Variants in DSCAM observed in about 807,000 individuals in gnomAD.
DSCAM encodes the protein DS cell adhesion molecule.
Under a neutral mutation model 217.7 loss-of-function variants are expected in DSCAM, and 47 were observed. The observed-to-expected ratio is 0.22, with a 90% CI of 0.17 to 0.28. The LOEUF (loss-of-function observed/expected upper bound fraction) is 0.28. DSCAM is among the 10% of genes least tolerant of loss of function. The probability of loss-of-function intolerance (pLI) is 1.00; values close to 1 mark genes in which losing one functional copy is unlikely to be tolerated. For missense variants in DSCAM, 2,080 were observed against 2,618.3 expected, an observed-to-expected ratio of 0.79 and a Z score of 4.49; for synonymous variants, 1,056 against 1,015.3, an observed-to-expected ratio of 1.04 and a Z score of -0.76.
At chr21:40,289,229 A>G (rs994106554) in intron 10 of DSCAM, among the ~76,000 whole-genome samples, 12 of 152,208 alleles carry the variant, frequency 7.9e-5, no homozygotes, top group African/African-American at 2.9e-4. Flanking sequence ...ATTGAGCAGA[A>G]GAGCATGCAG....
chr21:40,239,666 T>C (rs371103211), intron 11 of DSCAM, among the ~76,000 whole-genome samples: 23 of 152,296 alleles, frequency 1.5e-4, no homozygotes, highest in South Asian at 1.0e-3. Flanking sequence ...AGTCACTTGA[T>C]TTAGAAGGAC....
intron 1 of DSCAM, among the ~76,000 whole-genome samples, chr21:40,840,250 T>A (rs2092089466): frequency 6.6e-6 from 1 of 152,166 alleles, no homozygotes; most frequent in African/African-American, 2.4e-5. Flanking sequence ...AACCCATAAA[T>A]CCATAGGATG....
intron 1 of DSCAM, among the ~76,000 whole-genome samples, chr21:40,746,781 A>C (rs2091179258): frequency 6.6e-6 from 1 of 151,954 alleles, no homozygotes; most frequent in South Asian, 2.1e-4. Context: ...TTTTCTCAAC[A>C]AGACATGATA....
intron 3 of DSCAM, among the ~76,000 whole-genome samples, chr21:40,494,249 G>C (rs749850526): frequency 6.6e-6 from 1 of 152,136 alleles, no homozygotes; most frequent in Non-Finnish European, 1.5e-5. Context: ...AAAAGACAAA[G>C]AGTGGATAAG....
chr21:40,763,154 T>C (rs1373589527), intron 1 of DSCAM, among the ~76,000 whole-genome samples: 1 of 152,160 alleles, frequency 6.6e-6, no homozygotes, highest in Non-Finnish European at 1.5e-5. Context: ...AGTCAGATTG[T>C]CTCTGTGTGC....
At chr21:40,827,243 C>A (rs114403283) in intron 1 of DSCAM, among the ~76,000 whole-genome samples, 1 of 152,040 alleles carries the variant, frequency 6.6e-6, no homozygotes, top group Admixed American at 6.5e-5. Flanking sequence ...AATCTAGAAA[C>A]GTGGCCCATG....
chr21:40,418,543 A>G (rs1569113533), intron 3 of DSCAM, among the ~76,000 whole-genome samples: 1 of 152,150 alleles, frequency 6.6e-6, no homozygotes, highest in Non-Finnish European at 1.5e-5. Flanking sequence ...CTGGCAATCA[A>G]AGCAAGCCTT....
At chr21:40,354,905 T>A (rs957210767) in intron 4 of DSCAM, among the ~76,000 whole-genome samples, 1 of 151,692 alleles carries the variant, frequency 6.6e-6, no homozygotes, top group Non-Finnish European at 1.5e-5. Flanking sequence ...CTGTTTAACT[T>A]TAGTAAAATT....
chr21:40,359,507 T>C (rs1315263314), intron 4 of DSCAM, among the ~76,000 whole-genome samples: 4 of 152,184 alleles, frequency 2.6e-5, no homozygotes, highest in Non-Finnish European at 5.9e-5. Flanking sequence ...ACATGTTCAC[T>C]CAAAGACTTA....
In DSCAM at chr21:40,620,390, A is replaced by G. The variant is rs996370299; in HGVS notation, c.508+72420T>C. Among the ~76,000 whole-genome samples, 77 of 79,282 alleles carry G rather than the reference A, an allele frequency of 9.7e-4. 3 individuals carry two copies. The South Asian group carries it at 0.012, about 13-fold the overall frequency. The allele number at this position is 79,282 out of a possible 152,430, so 52.0% of individuals were successfully genotyped here. A position where few individuals can be genotyped will look rare whatever the true frequency, so the allele number is the denominator to read the frequency against. On this transcript the variant is annotated intron_variant, in intron 3 of 32. Coordinates refer to ENST00000400454, the MANE Select transcript of DSCAM (RefSeq NM_001389.5). ...AAAAAGAAAGAAAGAAAGAAAGAGA[A>G]AGAAAGAAAGAAAGGAGGGAGGGAG... is the stretch of plus-strand genomic sequence containing the variant.
intron 11 of DSCAM, among the ~76,000 whole-genome samples, chr21:40,225,311 C>T (rs1034398790): frequency 6.6e-6 from 1 of 152,186 alleles, no homozygotes. Context: ...CTGCACCTTG[C>T]CCTTTGGACC....
At chr21:40,669,073 A>AG (rs1361154619) in intron 3 of DSCAM, among the ~76,000 whole-genome samples, 2 of 152,218 alleles carry the variant, frequency 1.3e-5, no homozygotes, top group Non-Finnish European at 2.9e-5. Context: ...GCCAAGCTCA[A>AG]GACCTTCACA....
intron 3 of DSCAM, among the ~76,000 whole-genome samples, chr21:40,603,434 CTAACTA>C (rs1477096099): frequency 6.6e-6 from 1 of 152,164 alleles, no homozygotes; most frequent in African/African-American, 2.4e-5. Context: ...GCTGAAGCCC[CTAACTA>C]TAACAGCAAG....
At chr21:40,062,819 G>C in intron 28 of DSCAM, 50 bp downstream of exon 28, 1 of 1,516,070 alleles carries the variant, frequency 6.6e-7, no homozygotes, top group Non-Finnish European at 8.8e-7. Flanking sequence ...AGGCAAGTTG[G>C]AAATTGTTCT....
chr21:40,685,938 A>C lies in DSCAM; in HGVS notation c.508+6872T>G, dbSNP rs533061879. On this transcript the variant is annotated intron_variant, in intron 3 of 32. Coordinates refer to ENST00000400454, the MANE Select transcript of DSCAM (RefSeq NM_001389.5). ...CCATGGGAGGAAACTGAGGCAAACA[A>C]AAACAAAAACAAAAACAAAAACAGA... Among the ~76,000 whole-genome samples the C allele has an allele frequency of 1.9e-3, 142 of 75,370 alleles. 1 individual carries two copies. The highest frequency in any genetic ancestry group is 3.6e-3 in the Non-Finnish European group (115 of 32,214). 49.4% of individuals were successfully genotyped at this position (75,370 alleles called of 152,430 possible).
intron 3 of DSCAM, among the ~76,000 whole-genome samples, chr21:40,661,003 G>C (rs1196487897): frequency 2.0e-5 from 3 of 152,112 alleles, no homozygotes; most frequent in Non-Finnish European, 4.4e-5. Context: ...GCCCAAGCAA[G>C]GGCCTGTTTT....
At chr21:40,257,186 A>C (rs1358470233) in intron 11 of DSCAM, among the ~76,000 whole-genome samples, 1 of 152,188 alleles carries the variant, frequency 6.6e-6, no homozygotes, top group Non-Finnish European at 1.5e-5. Flanking sequence ...TACAGGATAC[A>C]AAACTCTGAG....
chr21:40,712,826 A>G (rs1342727592), intron 1 of DSCAM, among the ~76,000 whole-genome samples: 1 of 152,130 alleles, frequency 6.6e-6, no homozygotes, highest in Admixed American at 6.5e-5. Flanking sequence ...AGAGAGAGAG[A>G]GAGAGAGAAG....
intron 3 of DSCAM, among the ~76,000 whole-genome samples, chr21:40,661,014 G>A (rs537321963): frequency 1.3e-5 from 2 of 152,190 alleles, no homozygotes; most frequent in Admixed American, 1.3e-4. Context: ...GGCCTGTTTT[G>A]GACTCTGATT....
Sources: allele counts gnomAD v4.1 joint callset (sites outside exome capture counted in the v4.1 genomes callset), GRCh38; gene constraint gnomAD v4.1.1; transcripts MANE v1.5; gene names NCBI Gene and HGNC (gene_info 2026-07-23, HGNC 2026-07-21).